C14orf132: variants seen among roughly 807,000 people sequenced by gnomAD.
C14orf132 encodes uncharacterized protein C14orf132.
In C14orf132, 6 loss-of-function variants were observed where a neutral mutation model predicts 5.8. The observed-to-expected ratio is 1.03, with a 90% CI of 0.57 to 2.04. C14orf132 has a LOEUF of 2.04. Among genes scored for constraint, C14orf132 ranks in the 30% most tolerant of loss-of-function variants. The pLI is 0.00. For synonymous variants in C14orf132, 51 were observed against 49.8 expected (o/e 1.02, Z -0.10); for missense variants, 125 against 115.8 (o/e 1.08, Z -0.37).
At chr14:96,048,243 G>C (rs1270512009) in intron 1 of C14orf132, among the ~76,000 whole-genome samples, 1 of 152,126 alleles carries the variant, frequency 6.6e-6, no homozygotes, top group African/African-American at 2.4e-5. Flanking sequence ...GTTCTCTCTT[G>C]GTGTTGTACA....
Position 96,039,769 on chromosome 14 carries a change from C to G in C14orf132, c.27+242C>G, listed in dbSNP as rs1236811981. Among the ~76,000 whole-genome samples, 2 of 152,184 alleles carry G rather than the reference C, an allele frequency of 1.3e-5. No individual in the cohort carries two copies. The highest frequency in any genetic ancestry group is 3.9e-4 in the East Asian group (2 of 5,174). ...GCGGCTCGAGCTGTTCCCGCCCGGG[C>G]CCCTCTCGTTGGCAGGAAGGCTGCG... On this transcript the variant is annotated intron_variant, in intron 1 of 1. Transcript: ENST00000555004. The surrounding 1 kb of genome is among the most constrained non-coding windows in gnomAD (Gnocchi z 5.3).
At chr14:96,081,753 C>T (rs1888037128) in intron 1 of C14orf132, among the ~76,000 whole-genome samples, 1 of 152,036 alleles carries the variant, frequency 6.6e-6, no homozygotes, top group South Asian at 2.1e-4. Context: ...TGTGCACCAC[C>T]ACACTCCGCT....
At chr14:96,056,329 G>A (rs1887182099) in intron 1 of C14orf132, among the ~76,000 whole-genome samples, 2 of 152,246 alleles carry the variant, frequency 1.3e-5, no homozygotes, top group Non-Finnish European at 2.9e-5. Flanking sequence ...CTGCAAGGGG[G>A]TCAGGGTGGT....
rs1227697272 is a variant in C14orf132, at chr14:96,086,892, A to G, written c.*157A>G. On this transcript the variant is annotated 3_prime_UTR_variant, in exon 2 of 2. Coordinates refer to ENST00000555004, the MANE Select transcript of C14orf132 (RefSeq NM_001252507.3). ...CTCCCCAGCAGCCCTGATTTCAAATATCCCATGTTGTGGTCAAGCTGAGTC... is the reference window on the plus strand; with the variant it reads ...CTCCCCAGCAGCCCTGATTTCAAATGTCCCATGTTGTGGTCAAGCTGAGTC... 2.2e-5 allele frequency: 16 copies of G among 743,492 alleles called. 1 individual carries two copies. The highest frequency in any genetic ancestry group is 7.8e-4 in the Middle Eastern group (2 of 2,554). The allele number at this position is 743,492 out of a possible 1,614,324, so 46.1% of individuals were successfully genotyped here.
intron 1 of C14orf132, among the ~76,000 whole-genome samples, chr14:96,054,853 C>CT (rs1371100256): frequency 1.3e-5 from 2 of 152,176 alleles, no homozygotes; most frequent in Non-Finnish European, 2.9e-5. Context: ...GGATCTAGCC[C>CT]TAATGCATTC....
intron 1 of C14orf132, among the ~76,000 whole-genome samples, chr14:96,083,479 T>C (rs892253730): frequency 1.3e-5 from 2 of 152,130 alleles, no homozygotes; most frequent in African/African-American, 4.8e-5. Context: ...TTTGAGATGG[T>C]AGGAGTAGCC....
chr14:96,092,944 C>T lies in C14orf132; in HGVS notation c.*6209C>T, dbSNP rs1013612761. The T allele has an allele frequency of 6.6e-6, 1 of 152,214 alleles. No individual in the cohort carries two copies. Among genetic ancestry groups the T allele is most frequent in the Non-Finnish European group, 1.5e-5 (1 of 68,086 alleles). The allele number at this position is 152,214 out of a possible 1,614,324, so 9.4% of individuals were successfully genotyped here. A position where few individuals can be genotyped will look rare whatever the true frequency, so the allele number is the denominator to read the frequency against. ...TCCTACAATGCACAGGGCAGCCCCC[C>T]ACAAATAAGAATTATCCAGCCCCAA... On this transcript the variant is annotated 3_prime_UTR_variant, in exon 2 of 2. Transcript: ENST00000555004.
intron 1 of C14orf132, among the ~76,000 whole-genome samples, chr14:96,047,611 C>G (rs1595167680): frequency 1.3e-5 from 2 of 152,284 alleles, no homozygotes; most frequent in Non-Finnish European, 1.5e-5. Context: ...TTGCAATGGC[C>G]CCTTGGAATA....
At chr14:96,042,717 A>G (rs1488509911) in intron 1 of C14orf132, among the ~76,000 whole-genome samples, 1 of 152,188 alleles carries the variant, frequency 6.6e-6, no homozygotes, top group Non-Finnish European at 1.5e-5. Context: ...ACGTGGCTGT[A>G]TGACAGTGTA....
At chr14:96,068,990 A>T (rs1595181951) in intron 1 of C14orf132, among the ~76,000 whole-genome samples, 1 of 151,704 alleles carries the variant, frequency 6.6e-6, no homozygotes, top group East Asian at 1.9e-4. Context: ...CAGCTGAGAC[A>T]TTGGTCTTCT....
chr14:96,070,686 C>T (rs1396319076), intron 1 of C14orf132, among the ~76,000 whole-genome samples: 2 of 151,832 alleles, frequency 1.3e-5, no homozygotes, highest in Non-Finnish European at 2.9e-5. Context: ...TTAGGCAAAT[C>T]GCTTAACCCT....
chr14:96,053,186 G>A (rs193021549), intron 1 of C14orf132, among the ~76,000 whole-genome samples: 53 of 152,278 alleles, frequency 3.5e-4, no homozygotes, highest in Non-Finnish European at 6.2e-4. Flanking sequence ...TTAAAAATGA[G>A]TGGGGATGGT....
At chr14:96,068,698 A>G (rs529498514) in intron 1 of C14orf132, among the ~76,000 whole-genome samples, 1 of 152,250 alleles carries the variant, frequency 6.6e-6, no homozygotes, top group South Asian at 2.1e-4. Flanking sequence ...GCTTCTGTGC[A>G]AAGTTCCGCC....
intron 1 of C14orf132, among the ~76,000 whole-genome samples, chr14:96,069,486 G>A (rs1887642372): frequency 6.6e-6 from 1 of 151,942 alleles, no homozygotes; most frequent in South Asian, 2.1e-4. Context: ...CTGTGTGGTG[G>A]GAAGACACCA....
intron 1 of C14orf132, among the ~76,000 whole-genome samples, chr14:96,082,072 C>G (rs1214510717): frequency 6.6e-6 from 1 of 152,206 alleles, no homozygotes; most frequent in African/African-American, 2.4e-5. Flanking sequence ...TTAAGCCACT[C>G]TGTCTTCTGC....
chr14:96,060,106 A>T (rs1178800853), intron 1 of C14orf132, among the ~76,000 whole-genome samples: 1 of 152,112 alleles, frequency 6.6e-6, no homozygotes, highest in African/African-American at 2.4e-5. Flanking sequence ...ATGCTAAGAC[A>T]CTGTCCTTTC....
intron 1 of C14orf132, among the ~76,000 whole-genome samples, chr14:96,068,514 AG>A (rs1887602491): frequency 6.6e-6 from 1 of 152,166 alleles, no homozygotes; most frequent in East Asian, 1.9e-4. Flanking sequence ...TACCCTCTAC[AG>A]GGAGTAGAAA....
At chr14:96,043,720 A>G (rs955944161) in intron 1 of C14orf132, among the ~76,000 whole-genome samples, 1 of 151,762 alleles carries the variant, frequency 6.6e-6, no homozygotes, top group Non-Finnish European at 1.5e-5. Context: ...CCACCCTCCC[A>G]CTTCTCCCTC....
chr14:96,051,012 A>T, intron 1 of C14orf132: 1 of 395,142 alleles, frequency 2.5e-6, no homozygotes, highest in Non-Finnish European at 4.5e-6. Flanking sequence ...ATCTAAATCT[A>T]GACCATTACC....
Sources: allele counts gnomAD v4.1 joint callset (sites outside exome capture counted in the v4.1 genomes callset), GRCh38; gene constraint gnomAD v4.1.1; non-coding constraint Gnocchi (gnomAD v3.1); transcripts MANE v1.5; gene names NCBI Gene and HGNC (gene_info 2026-07-23, HGNC 2026-07-21).